The following FIG4 variants were observed in gnomAD, a reference collection of about 807,000 sequenced individuals.
The protein encoded by FIG4 is FIG4 phosphoinositide 5-phosphatase, also known as polyphosphoinositide phosphatase.
In FIG4, 112 loss-of-function variants were observed where a neutral mutation model predicts 118.6. The ratio of observed to expected loss-of-function variants is 0.94; its 90% CI spans 0.81 to 1.11. The LOEUF is 1.11. FIG4 is among the 50% of genes least tolerant of loss of function. FIG4 has a pLI of 0.00. For missense variants in FIG4, 969 were observed against 1,111.7 expected (o/e 0.87, Z 1.83); for synonymous variants, 369 against 381.2 (o/e 0.97, Z 0.37).
At chr6:109,723,704 C>G (rs913349320) in intron 3 of FIG4, among the ~76,000 whole-genome samples, 3 of 152,104 alleles carry the variant, frequency 2.0e-5, no homozygotes, top group African/African-American at 7.2e-5. Context: ...TTGGGTCAGT[C>G]CAAGTTCTTC....
At chr6:109,813,632 C>T (rs1318811949) in intron 22 of FIG4, among the ~76,000 whole-genome samples, 3 of 152,184 alleles carry the variant, frequency 2.0e-5, no homozygotes, top group Non-Finnish European at 4.4e-5. Flanking sequence ...GGTAGCTCAC[C>T]TTCAAGTTGG....
intron 10 of FIG4, among the ~76,000 whole-genome samples, chr6:109,752,048 C>G (rs1486428119): frequency 1.5e-5 from 2 of 135,508 alleles, no homozygotes; most frequent in Non-Finnish European, 3.1e-5. Context: ...TCCATGTGTT[C>G]TCATTGTTCA....
chr6:109,709,197 A>G (rs1226841853), intron 1 of FIG4, among the ~76,000 whole-genome samples: 1 of 152,194 alleles, frequency 6.6e-6, no homozygotes, highest in African/African-American at 2.4e-5. Context: ...CAATTCTCCC[A>G]GGATCATTTA....
rs1179103937 is a variant in FIG4 at position 109,790,641 on chromosome 6, T to C, written c.2181-735T>C. ...CCTAGAACATTTCAAAATATTATGG[T>C]ATTTTTAGCTCCTTATAGAGAATTT... On this transcript the variant is annotated intron_variant, in intron 19 of 22. Coordinates refer to ENST00000230124, the MANE Select transcript of FIG4 (RefSeq NM_014845.6). Among the ~76,000 whole-genome samples the C allele has an allele frequency of 3.3e-5, 5 of 152,352 alleles. No homozygotes were observed. The East Asian group carries it at 5.8e-4, about 18-fold the overall frequency.
intron 1 of FIG4, among the ~76,000 whole-genome samples, chr6:109,708,755 G>A (rs1775167790): frequency 6.6e-6 from 1 of 151,974 alleles, no homozygotes; most frequent in African/African-American, 2.4e-5. Context: ...ATTGTTGGCT[G>A]CATGTATGTC....
At chr6:109,823,692 A>G (rs1270211741) in intron 22 of FIG4, among the ~76,000 whole-genome samples, 1 of 151,998 alleles carries the variant, frequency 6.6e-6, no homozygotes, top group Non-Finnish European at 1.5e-5. Context: ...GACTACAGGG[A>G]ATCTCCACAG....
chr6:109,746,638 G>C (rs1274644961), intron 10 of FIG4, among the ~76,000 whole-genome samples: 3 of 152,126 alleles, frequency 2.0e-5, no homozygotes, highest in African/African-American at 4.8e-5. Context: ...GCAGAGTATT[G>C]TAGGCTGCAT....
chr6:109,812,253 T>G (rs192557581), intron 22 of FIG4, among the ~76,000 whole-genome samples: 4 of 152,262 alleles, frequency 2.6e-5, no homozygotes, highest in Non-Finnish European at 5.9e-5. Flanking sequence ...TCAGCCAGTC[T>G]CAGGCAGTTC....
At chr6:109,709,863 A>G (rs1775203795) in intron 1 of FIG4, among the ~76,000 whole-genome samples, 1 of 152,176 alleles carries the variant, frequency 6.6e-6, no homozygotes, top group Admixed American at 6.5e-5. Flanking sequence ...CTTTGGGCTG[A>G]GACTGTTGGG....
chr6:109,745,671 T>C (rs1420024250), intron 10 of FIG4, among the ~76,000 whole-genome samples: 1 of 152,156 alleles, frequency 6.6e-6, no homozygotes, highest in Non-Finnish European at 1.5e-5. Context: ...ATTTTGGCTT[T>C]TGTTGCCATT....
intron 3 of FIG4, among the ~76,000 whole-genome samples, chr6:109,718,377 A>G (rs1292390273): frequency 6.6e-6 from 1 of 152,260 alleles, no homozygotes; most frequent in Non-Finnish European, 1.5e-5. Context: ...TGGTTTCTAC[A>G]GATATTAACA....
intron 1 of FIG4, among the ~76,000 whole-genome samples, chr6:109,695,950 T>G (rs1053645077): frequency 1.3e-5 from 2 of 152,234 alleles, no homozygotes; most frequent in African/African-American, 4.8e-5. Context: ...CTCTTATTTC[T>G]GCTGTTAATC....
At chr6:109,774,823 T>C (rs894291617) in intron 15 of FIG4, among the ~76,000 whole-genome samples, 4 of 152,184 alleles carry the variant, frequency 2.6e-5, no homozygotes, top group Non-Finnish European at 5.9e-5. Flanking sequence ...TGATGTGAGG[T>C]AGGGGTCTAA....
At chr6:109,805,628 A>G (rs17070984) in intron 22 of FIG4, among the ~76,000 whole-genome samples, 13,761 of 152,222 alleles carry the variant, frequency 0.09, 1,345 homozygotes, top group African/African-American at 0.24. Context: ...AAATCCTGAA[A>G]TGTCTGAATA....
intron 10 of FIG4, among the ~76,000 whole-genome samples, chr6:109,758,897 A>C (rs1777009494): frequency 6.6e-6 from 1 of 152,258 alleles, no homozygotes; most frequent in South Asian, 2.1e-4. Flanking sequence ...TCAAAACCAC[A>C]ATGAGATACC....
intron 16 of FIG4, among the ~76,000 whole-genome samples, chr6:109,783,852 A>T (rs1041549353): frequency 6.6e-6 from 1 of 152,230 alleles, no homozygotes; most frequent in Non-Finnish European, 1.5e-5. Flanking sequence ...ACTGCTGTAA[A>T]GCATAACTTC....
intron 3 of FIG4, among the ~76,000 whole-genome samples, chr6:109,721,912 ATAAAAT>A (rs1354949217): frequency 3.3e-5 from 5 of 152,234 alleles, no homozygotes; most frequent in South Asian, 2.1e-4. Flanking sequence ...TGCTAAAAAC[ATAAAAT>A]TAAAATTCAA....
At position 109,727,089 on chromosome 6, in the gene FIG4, C is replaced by T; in HGVS notation, c.290-20C>T. ...TACTAAGTTTATAAAGCATATTTCTCTTTATTTTTTGTTGCATAGGTTTTG... is the reference window on the plus strand; with the variant it reads ...TACTAAGTTTATAAAGCATATTTCTTTTTATTTTTTGTTGCATAGGTTTTG... On this transcript the variant is annotated intron_variant, in intron 3 of 22. Coordinates refer to ENST00000230124, the MANE Select transcript of FIG4 (RefSeq NM_014845.6). The T allele has an allele frequency of 6.3e-7, 1 of 1,584,932 alleles. No homozygotes were observed. Among genetic ancestry groups the T allele is most frequent in the African/African-American group, 1.3e-5 (1 of 74,404 alleles).
rs1583785957 is a variant in FIG4 at position 109,825,115 on chromosome 6, T to C, written c.2574T>C (p.Asp858=). 6.8e-6 allele frequency: 11 copies of C among 1,614,068 alleles called. No individual in the cohort carries two copies. The highest frequency in any genetic ancestry group is 9.3e-6 in the Non-Finnish European group (11 of 1,179,916). ...KLTPISAFSQ[D]NIYEVQPPRV... ...CACCCATCTCGGCTTTCTCGCAAGATAACATCTATGAAGTTCAGCCCCCAA... is the reference window on the plus strand; with the variant it reads ...CACCCATCTCGGCTTTCTCGCAAGACAACATCTATGAAGTTCAGCCCCCAA... Residue 858 remains aspartate (D), a synonymous_variant, in exon 23 of 23, where the codon GAT becomes GAC. Transcript: ENST00000230124.
Sources: gnomAD v4.1 joint callset for allele counts (sites outside exome capture counted in the v4.1 genomes callset) on GRCh38, gnomAD v4.1.1 for gene constraint, MANE v1.5 for transcripts, NCBI Gene and HGNC (gene_info 2026-07-23, HGNC 2026-07-21) for gene names.